Variants in LURAP1 observed in about 807,000 individuals in gnomAD.
The protein encoded by LURAP1 is NF-kappa-B activator C1orf190.
In LURAP1, 14 loss-of-function variants were observed where a neutral mutation model predicts 19.0. The ratio of observed to expected loss-of-function variants is 0.74; its 90% CI spans 0.49 to 1.15. LURAP1 has a LOEUF of 1.15. LURAP1 is among the 50% of genes most tolerant of loss of function. The pLI, the probability that LURAP1 is intolerant of heterozygous loss-of-function variation, is 0.00. For missense variants in LURAP1, 273 were observed against 309.1 expected (o/e 0.88, Z 0.87); for synonymous variants, 129 against 131.8 (o/e 0.98, Z 0.14).
chr1:46,205,538 C>A (rs1186769578), intron 1 of LURAP1, among the ~76,000 whole-genome samples: 2 of 152,216 alleles, frequency 1.3e-5, no homozygotes, highest in African/African-American at 4.8e-5. Flanking sequence ...ATTCTGAACT[C>A]ACATAGGGAG....
chr1:46,207,971 G>A (rs1162676430), intron 1 of LURAP1, among the ~76,000 whole-genome samples: 1 of 151,548 alleles, frequency 6.6e-6, no homozygotes, highest in Non-Finnish European at 1.5e-5. Flanking sequence ...GGGTTCAAGC[G>A]ATTCTCCTGC....
Position 46,210,326 on chromosome 1 carries a change from G to A in LURAP1, c.198+6702G>A, listed in dbSNP as rs565586141. 3.7e-4 allele frequency among the ~76,000 whole-genome samples: 57 copies of A among 152,136 alleles called. No individual in the cohort carries two copies. The South Asian group carries it at 0.01, about 27-fold the overall frequency. Reference sequence around the variant, plus strand: ...CAACACAACAATAATCATTAATACAGAAGACCCCAAAATATATGAGGATTT... The same window carrying A: ...CAACACAACAATAATCATTAATACAAAAGACCCCAAAATATATGAGGATTT... On this transcript the variant is annotated intron_variant, in intron 1 of 1. Transcript: ENST00000371980.
chr1:46,211,480 C>CACAG (rs1557684808), intron 1 of LURAP1, among the ~76,000 whole-genome samples: 56 of 151,168 alleles, frequency 3.7e-4, no homozygotes, highest in Admixed American at 3.9e-4. Flanking sequence ...CACACACACA[C>CACAG]AGTAATATCA....
chr1:46,215,792 G>C (rs1299797388), intron 1 of LURAP1, among the ~76,000 whole-genome samples: 1 of 152,072 alleles, frequency 6.6e-6, no homozygotes, highest in Non-Finnish European at 1.5e-5. Flanking sequence ...AGCTACTTAG[G>C]AGGCTGAGGC....
chr1:46,218,458 A>T (rs1659131249), intron 1 of LURAP1, among the ~76,000 whole-genome samples: 1 of 152,272 alleles, frequency 6.6e-6, no homozygotes. Flanking sequence ...CCTTGGGTTC[A>T]CAGAGCAGAA....
chr1:46,218,738 T>C (rs556300616), intron 1 of LURAP1, among the ~76,000 whole-genome samples: 18 of 152,064 alleles, frequency 1.2e-4, no homozygotes, highest in Non-Finnish European at 2.4e-4. Flanking sequence ...TCAAATTTAC[T>C]TCCAGTACAG....
At position 46,209,156 on chromosome 1, in the gene LURAP1, C is replaced by G. The variant is rs143062789; in HGVS notation, c.198+5532C>G. Among the ~76,000 whole-genome samples the G allele has an allele frequency of 3.3e-5, 5 of 152,180 alleles. No individual in the cohort carries two copies. In the East Asian group the frequency reaches 7.8e-4, roughly 24 times the overall value. On this transcript the variant is annotated intron_variant, in intron 1 of 1. Transcript: ENST00000371980. ...TCTCCTGCCTCAGCTTCCCAAGTAG[C>G]TGGGATTACAGGCATGTGACACCAT...
At chr1:46,214,561 A>G (rs956023099) in intron 1 of LURAP1, among the ~76,000 whole-genome samples, 1 of 152,090 alleles carries the variant, frequency 6.6e-6, no homozygotes, top group East Asian at 1.9e-4. Context: ...GAAAAGAAAA[A>G]AGAAAAACCA....
In LURAP1 at chr1:46,203,399, G is replaced by T. The variant is rs1391632318; in HGVS notation, c.-28G>T. On this transcript the variant is annotated 5_prime_UTR_variant, in exon 1 of 2. Coordinates refer to ENST00000371980, the MANE Select transcript of LURAP1 (RefSeq NM_001013615.3). ...GGGAGCCGGTCCCCGGCGTCCGGTC[G>T]CCCAGCCCTTTTCAGGCTTGGGCCC... The T allele has an allele frequency of 7.0e-7, 1 of 1,437,438 alleles. No individual in the cohort carries two copies. Among genetic ancestry groups the T allele is most frequent in the Non-Finnish European group, 9.2e-7 (1 of 1,092,242 alleles). 89.0% of individuals were successfully genotyped at this position (1,437,438 alleles called of 1,614,324 possible). A position where few individuals can be genotyped will look rare whatever the true frequency, so the allele number is the denominator to read the frequency against.
Position 46,220,611 on chromosome 1 carries a change from A to ATT in LURAP1, c.*400_*401dup, listed in dbSNP as rs548676957. The ATT allele has an allele frequency of 6.6e-6, 1 of 152,070 alleles. No individual in the cohort carries two copies. The highest frequency in any genetic ancestry group is 1.4e-5 in the Non-Finnish European group (1 of 69,984). The allele number at this position is 152,070 out of a possible 1,614,324, so 9.4% of individuals were successfully genotyped here. On this transcript the variant is annotated 3_prime_UTR_variant, in exon 2 of 2. Coordinates refer to ENST00000371980, the MANE Select transcript of LURAP1 (RefSeq NM_001013615.3). ...TGCCCAGCTAATTGTTTATTTATTT[A>ATT]TTTTTTTTTTGTAGAGATAGGGTTT...
intron 1 of LURAP1, among the ~76,000 whole-genome samples, chr1:46,208,688 C>T (rs1658800275): frequency 6.6e-6 from 1 of 151,898 alleles, no homozygotes; most frequent in Non-Finnish European, 1.5e-5. Context: ...ACTAAAAATA[C>T]AAAAATTAGC....
rs535066308 is a variant in LURAP1 at position 46,214,897 on chromosome 1, A to G, written c.199-4802A>G. 6.2e-5 allele frequency among the ~76,000 whole-genome samples: 9 copies of G among 144,028 alleles called. No homozygotes were observed. In the South Asian group the frequency reaches 1.8e-3, roughly 29 times the overall value. 94.5% of individuals were successfully genotyped at this position (144,028 alleles called of 152,430 possible). On this transcript the variant is annotated intron_variant, in intron 1 of 1. Transcript: ENST00000371980. ...AAAAAAAAAAAAAAAAGAGGAGTTG[A>G]TCAAGTTGAAATATTTCAGAAACTA...
rs563873084 is a variant in LURAP1, at chr1:46,213,382, T to C, written c.199-6317T>C. 6.1e-4 allele frequency among the ~76,000 whole-genome samples: 92 copies of C among 150,800 alleles called. 1 individual carries two copies. Among genetic ancestry groups the C allele is most frequent in the African/African-American group, 2.2e-3 (91 of 41,406 alleles). ...AAAAGTATATAAATTTTTTAAAATGTCATCTAGTTTGTGCATTTACCCTGT... is the reference window on the plus strand; with the variant it reads ...AAAAGTATATAAATTTTTTAAAATGCCATCTAGTTTGTGCATTTACCCTGT... On this transcript the variant is annotated intron_variant, in intron 1 of 1. Transcript: ENST00000371980.
intron 1 of LURAP1, among the ~76,000 whole-genome samples, chr1:46,218,959 C>T (rs1439549355): frequency 6.6e-6 from 1 of 152,084 alleles, no homozygotes; most frequent in African/African-American, 2.4e-5. Context: ...TCTTGCTATT[C>T]TTTGTTTCTA....
chr1:46,216,964 A>G (rs550698218), intron 1 of LURAP1, among the ~76,000 whole-genome samples: 3 of 152,376 alleles, frequency 2.0e-5, no homozygotes, highest in Admixed American at 1.3e-4. Context: ...TGCAAAGGAC[A>G]TGATTTCATT....
chr1:46,218,839 C>T (rs962700066), intron 1 of LURAP1, among the ~76,000 whole-genome samples: 3 of 152,062 alleles, frequency 2.0e-5, no homozygotes, highest in Admixed American at 2.0e-4. Flanking sequence ...CCTTTCCCCT[C>T]TCGGTGGCTG....
intron 1 of LURAP1, among the ~76,000 whole-genome samples, chr1:46,219,377 A>C (rs1659162756): frequency 2.0e-5 from 3 of 152,130 alleles, no homozygotes; most frequent in African/African-American, 7.2e-5. Flanking sequence ...ATTTACTGAG[A>C]CCTTCCTCTG....
At chr1:46,218,306 A>T (rs1659126439) in intron 1 of LURAP1, among the ~76,000 whole-genome samples, 1 of 152,252 alleles carries the variant, frequency 6.6e-6, no homozygotes, top group African/African-American at 2.4e-5. Context: ...GAATCGCTTG[A>T]GACCAGGAGA....
chr1:46,203,849 G>T (rs191091702), intron 1 of LURAP1, among the ~76,000 whole-genome samples: 46 of 152,242 alleles, frequency 3.0e-4, no homozygotes, highest in Admixed American at 2.7e-3. Context: ...TGAGGACTTG[G>T]GTTGGGAGCA....
Sources: allele counts gnomAD v4.1 joint callset (sites outside exome capture counted in the v4.1 genomes callset), GRCh38; gene constraint gnomAD v4.1.1; transcripts MANE v1.5; gene names NCBI Gene and HGNC (gene_info 2026-07-23, HGNC 2026-07-21).